Variants in ATP13A5 observed in about 807,000 individuals in gnomAD.
The protein encoded by ATP13A5 is ATPase 13A5.
Under a neutral mutation model 150.2 loss-of-function variants are expected in ATP13A5, and 149 were observed. That is an observed-to-expected ratio of 0.99 (90% CI 0.87 to 1.14). ATP13A5 has a LOEUF of 1.14. ATP13A5 is among the 50% of genes most tolerant of loss of function. The pLI is 0.00. For synonymous variants in ATP13A5, 497 were observed against 522.2 expected (o/e 0.95, Z 0.66); for missense variants, 1,383 against 1,449.3 (o/e 0.95, Z 0.74).
At position 193,357,049 on chromosome 3, in the gene ATP13A5, C is replaced by T. The variant is rs140983383; in HGVS notation, c.537-2853G>A. On this transcript the variant is annotated intron_variant, in intron 5 of 29. Transcript: ENST00000342358. ...CAGGCTGGTCTCAAACCCCTGACCT[C>T]GTGATCCACCTGACTCGGCTTCCCA... Among the ~76,000 whole-genome samples the T allele has an allele frequency of 1.6e-4, 24 of 152,242 alleles. No homozygotes were observed. The South Asian group carries it at 3.9e-3, about 25-fold the overall frequency.
intron 17 of ATP13A5, among the ~76,000 whole-genome samples, chr3:193,316,762 A>G (rs1014334295): frequency 6.6e-6 from 1 of 152,144 alleles, no homozygotes; most frequent in Non-Finnish European, 1.5e-5. Flanking sequence ...CTGCCATTTT[A>G]TAGGTTGCTA....
intron 7 of ATP13A5, among the ~76,000 whole-genome samples, chr3:193,346,683 C>A (rs1014407225): frequency 6.6e-6 from 1 of 152,112 alleles, no homozygotes; most frequent in Non-Finnish European, 1.5e-5. Flanking sequence ...AAGCATTACA[C>A]ATAATTAGGC....
At chr3:193,354,428 T>C (rs1193807863) in intron 5 of ATP13A5, among the ~76,000 whole-genome samples, 2 of 152,130 alleles carry the variant, frequency 1.3e-5, no homozygotes, top group Non-Finnish European at 2.9e-5. Context: ...TTAAATGTAG[T>C]ACAACTCAAA....
chr3:193,347,357 G>A, intron 7 of ATP13A5, among the ~76,000 whole-genome samples: 1 of 150,078 alleles, frequency 6.7e-6, no homozygotes, highest in Middle Eastern at 3.4e-3. Flanking sequence ...CAAATAAAAG[G>A]GGGTTGAAAA....
intron 25 of ATP13A5, among the ~76,000 whole-genome samples, chr3:193,298,507 T>G (rs1718263140): frequency 6.6e-6 from 1 of 152,158 alleles, no homozygotes; most frequent in Non-Finnish European, 1.5e-5. Context: ...CTGTTATTTT[T>G]CATAACATGC....
intron 1 of ATP13A5, among the ~76,000 whole-genome samples, chr3:193,368,825 C>A (rs571421697): frequency 2.0e-5 from 3 of 152,080 alleles, no homozygotes; most frequent in Admixed American, 6.6e-5. Flanking sequence ...AATGTGACAA[C>A]TGAAACAATA....
intron 22 of ATP13A5, among the ~76,000 whole-genome samples, chr3:193,306,880 G>A (rs1718638514): frequency 1.3e-5 from 2 of 152,142 alleles, no homozygotes; most frequent in African/African-American, 4.8e-5. Flanking sequence ...GAGAATGAAA[G>A]TTTGGCAGGA....
intron 18 of ATP13A5, 103 bp from the exon 19 acceptor site, chr3:193,314,296 T>C (rs1235280041): frequency 7.7e-7 from 1 of 1,296,980 alleles, no homozygotes; most frequent in African/African-American, 1.5e-5. Flanking sequence ...TTTGAGAGCA[T>C]TTACCGCTTT....
chr3:193,363,179 G>C, intron 3 of ATP13A5, 57 bp downstream of exon 3: 3 of 1,534,248 alleles, frequency 2.0e-6, no homozygotes, highest in Non-Finnish European at 2.6e-6. Flanking sequence ...TTAATAAACA[G>C]TTATTTTATG....
At chr3:193,297,240 G>A (rs905535049) in intron 25 of ATP13A5, among the ~76,000 whole-genome samples, 8 of 151,998 alleles carry the variant, frequency 5.3e-5, no homozygotes, top group African/African-American at 1.9e-4. Flanking sequence ...AAGAGACCAT[G>A]GCCTTCTCGT....
chr3:193,312,451 T>A (rs1718892340), intron 19 of ATP13A5, among the ~76,000 whole-genome samples: 1 of 152,192 alleles, frequency 6.6e-6, no homozygotes, highest in African/African-American at 2.4e-5. Flanking sequence ...CTTTCTATCA[T>A]GGTTCCCAGA....
chr3:193,344,297 C>T (rs774737361), intron 8 of ATP13A5, among the ~76,000 whole-genome samples: 5 of 152,218 alleles, frequency 3.3e-5, no homozygotes, highest in Non-Finnish European at 7.3e-5. Flanking sequence ...ACCTGGTGTG[C>T]TTTGCCCACA....
intron 9 of ATP13A5, among the ~76,000 whole-genome samples, chr3:193,341,164 T>TCC (rs140581417): frequency 3.3e-5 from 4 of 121,450 alleles, no homozygotes; most frequent in Non-Finnish European, 7.1e-5. Flanking sequence ...ATTAACATAT[T>TCC]CCCCCCCCCT....
chr3:193,303,069 A>G (rs1364236941), intron 23 of ATP13A5, among the ~76,000 whole-genome samples: 4 of 152,210 alleles, frequency 2.6e-5, no homozygotes, highest in African/African-American at 9.6e-5. Flanking sequence ...TGGATCAAGT[A>G]GGCACTTTGC....
In ATP13A5 at chr3:193,345,027, C is replaced by G. The variant is rs2887033; in HGVS notation, c.790G>C (p.Val264Leu). 4.3e-6 allele frequency: 7 copies of G among 1,613,602 alleles called. No individual in the cohort carries two copies. The highest frequency in any genetic ancestry group is 5.1e-6 in the Non-Finnish European group (6 of 1,179,704). Residue 264 changes from valine (V) to leucine (L), a missense_variant, in exon 8 of 30, where the codon GTT (valine) becomes CTT (leucine). Around this residue, in one of 3 missense-constraint regions of ATP13A5, gnomAD observed 787 missense variants for 771.9 expected, o/e 1.02. Transcript: ENST00000342358. ...NLVEDHNKVQ[V>L]TIIVKDKGLE... ...CCTTTGTCTTTTACAATGATTGTAACCTGGACTTTGTTGTGGTCCTCCACG... is the reference window on the plus strand; with the variant it reads ...CCTTTGTCTTTTACAATGATTGTAAGCTGGACTTTGTTGTGGTCCTCCACG...
chr3:193,347,135 G>A (rs1437843273), intron 7 of ATP13A5, among the ~76,000 whole-genome samples: 1 of 152,174 alleles, frequency 6.6e-6, no homozygotes, highest in African/African-American at 2.4e-5. Flanking sequence ...TTGCATGTCA[G>A]AGATGTATTT....
intron 5 of ATP13A5, among the ~76,000 whole-genome samples, chr3:193,360,684 GA>G (rs1712970746): frequency 6.6e-6 from 1 of 151,740 alleles, no homozygotes; most frequent in African/African-American, 2.4e-5. Context: ...GTGTGGATCA[GA>G]TTTTTTTTTG....
rs149162434 is a variant in ATP13A5 at position 193,364,187 on chromosome 3, A to G, written c.157T>C (p.Trp53Arg). The G allele has an allele frequency of 8.0e-5, 129 of 1,614,148 alleles. No individual in the cohort carries two copies. The African/African-American group carries it at 1.6e-3, about 20-fold the overall frequency. The change falls in exon 2 of 30, where the codon TGG becomes CGG. Residue 53 changes from tryptophan (W) to arginine (R), a missense_variant. Transcript: ENST00000342358. ...TCGGLLLVFY[W>R]RPQWRVWANC... is the part of the protein sequence containing the mutation. ...GCCCACACTCTCCACTGGGGTCTCCAGTAGAACACCAGCAGAAGGCCCCCA... is the reference window on the plus strand; with the variant it reads ...GCCCACACTCTCCACTGGGGTCTCCGGTAGAACACCAGCAGAAGGCCCCCA...
At chr3:193,312,541 G>A (rs1390869036) in intron 19 of ATP13A5, among the ~76,000 whole-genome samples, 1 of 152,114 alleles carries the variant, frequency 6.6e-6, no homozygotes, top group Non-Finnish European at 1.5e-5. Flanking sequence ...ACCTGTCAAG[G>A]TGTTTCTCTG....
Sources: allele counts gnomAD v4.1 joint callset (sites outside exome capture counted in the v4.1 genomes callset), GRCh38; gene constraint gnomAD v4.1.1; regional missense constraint gnomAD v4.1.1; transcripts MANE v1.5; gene names NCBI Gene and HGNC (gene_info 2026-07-23, HGNC 2026-07-21).